The following SORCS3 variants were observed in gnomAD, a reference collection of about 807,000 sequenced individuals.
SORCS3 encodes sortilin related VPS10 domain containing receptor 3.
A neutral mutation model predicts 146.3 loss-of-function variants in SORCS3; 57 were observed. That is an observed-to-expected ratio of 0.39 (90% confidence interval 0.31 to 0.49). The LOEUF (loss-of-function observed/expected upper bound fraction) is 0.49, where lower values mean the gene tolerates loss of function less well. Among genes scored for constraint, SORCS3 ranks in the 20% least tolerant of loss-of-function variants. The probability of loss-of-function intolerance (pLI) is 0.92; values close to 1 mark genes in which losing one functional copy is unlikely to be tolerated. For synonymous variants in SORCS3, 653 were observed against 618.5 expected (o/e 1.06, Z -0.83); for missense variants, 1,341 against 1,575.5 (o/e 0.85, Z 2.52).
intron 4 of SORCS3, among the ~76,000 whole-genome samples, chr10:104,979,393 A>T (rs568655217): frequency 1.4e-4 from 21 of 152,316 alleles, no homozygotes; most frequent in African/African-American, 4.1e-4. Context: ...ACTATTATGT[A>T]ATAATGTTGT....
intron 1 of SORCS3, among the ~76,000 whole-genome samples, chr10:104,842,526 G>A (rs1257780722): frequency 1.3e-5 from 2 of 152,156 alleles, no homozygotes; most frequent in African/African-American, 4.8e-5. Context: ...GCTGTCAATA[G>A]CCAATTAATT....
At chr10:104,864,066 ATGGG>A (rs1295903003) in intron 2 of SORCS3, among the ~76,000 whole-genome samples, 2 of 152,290 alleles carry the variant, frequency 1.3e-5, no homozygotes, top group East Asian at 3.9e-4. Context: ...TGTGCCAGGA[ATGGG>A]TATTTTTTAA....
At chr10:104,933,171 A>G (rs368057947) in intron 3 of SORCS3, among the ~76,000 whole-genome samples, 98 of 152,334 alleles carry the variant, frequency 6.4e-4, no homozygotes, top group African/African-American at 2.3e-3. Context: ...TAGGAAACAT[A>G]TGAGTTCATG....
intron 1 of SORCS3, among the ~76,000 whole-genome samples, chr10:104,688,824 G>C (rs777320572): frequency 3.5e-4 from 54 of 152,122 alleles, no homozygotes; most frequent in Admixed American, 6.5e-4. Flanking sequence ...CCAGGAACCT[G>C]CCCAACGTGG....
chr10:105,112,864 G>A (rs1383043649), intron 7 of SORCS3, among the ~76,000 whole-genome samples: 1 of 152,150 alleles, frequency 6.6e-6, no homozygotes, highest in African/African-American at 2.4e-5. Context: ...CATGACTATA[G>A]AGATTTGTCT....
intron 4 of SORCS3, among the ~76,000 whole-genome samples, chr10:105,016,155 A>ATATATATATTTT (rs71482443): frequency 9.9e-6 from 1 of 101,344 alleles, no homozygotes; most frequent in African/African-American, 4.8e-5. Context: ...ATATATATAT[A>ATATATATATTTT]TTTTTTTTTT....
At chr10:105,130,319 T>G (rs2056009670) in intron 7 of SORCS3, among the ~76,000 whole-genome samples, 1 of 152,110 alleles carries the variant, frequency 6.6e-6, no homozygotes, top group South Asian at 2.1e-4. Flanking sequence ...GTCCAGACCC[T>G]TTATTGTATT....
rs1458481350 is a variant in SORCS3, at chr10:105,167,362, C to T, written c.1901+13C>T. On this transcript the variant is annotated intron_variant, in intron 13 of 26. Transcript: ENST00000369701. The stretch of plus-strand genomic sequence containing the variant: ...TCAGGCATTTGTGGTAAGGAGAGCT[C>T]CCTACCCTATTAATGAGCTAATGAG... 3 of 1,606,122 alleles carry T rather than the reference C, an allele frequency of 1.9e-6. No homozygotes were observed. The Admixed American group carries it at 5.0e-5, about 27-fold the overall frequency.
At chr10:105,025,804 A>T (rs2055224520) in intron 4 of SORCS3, among the ~76,000 whole-genome samples, 1 of 149,408 alleles carries the variant, frequency 6.7e-6, no homozygotes, top group Admixed American at 6.7e-5. Flanking sequence ...TGAATATCCG[A>T]TGCCTGTACT....
intron 6 of SORCS3, among the ~76,000 whole-genome samples, chr10:105,092,884 T>C (rs188900665): frequency 4.6e-5 from 7 of 152,296 alleles, no homozygotes; most frequent in African/African-American, 1.7e-4. Context: ...GATGAGATAC[T>C]GAATGCTTTC....
chr10:104,725,679 G>A (rs913931477), intron 1 of SORCS3, among the ~76,000 whole-genome samples: 1 of 152,224 alleles, frequency 6.6e-6, no homozygotes, highest in African/African-American at 2.4e-5. Flanking sequence ...GCAATGGCGG[G>A]TGACCCTCCC....
intron 13 of SORCS3, among the ~76,000 whole-genome samples, chr10:105,174,308 C>T (rs2056382360): frequency 6.6e-6 from 1 of 152,098 alleles, no homozygotes; most frequent in Non-Finnish European, 1.5e-5. Flanking sequence ...ATTCACAGTT[C>T]CTTTGTCTTG....
intron 20 of SORCS3, among the ~76,000 whole-genome samples, chr10:105,227,719 G>T (rs1310549304): frequency 6.6e-6 from 1 of 152,014 alleles, no homozygotes; most frequent in Non-Finnish European, 1.5e-5. Context: ...ATATCTGGGT[G>T]CTGGGGTATT....
intron 1 of SORCS3, among the ~76,000 whole-genome samples, chr10:104,769,788 ACTTTCC>A (rs1040637330): frequency 5.3e-5 from 8 of 152,028 alleles, no homozygotes; most frequent in African/African-American, 1.9e-4. Flanking sequence ...CTTGAATAGG[ACTTTCC>A]CTGTATGTGT....
At chr10:104,872,468 A>C (rs1016509382) in intron 2 of SORCS3, among the ~76,000 whole-genome samples, 23 of 152,144 alleles carry the variant, frequency 1.5e-4, no homozygotes, top group Admixed American at 1.3e-3. Flanking sequence ...CCGGTCTGCA[A>C]CAATTTACAG....
intron 1 of SORCS3, among the ~76,000 whole-genome samples, chr10:104,702,934 C>T (rs1254614531): frequency 2.6e-5 from 4 of 152,152 alleles, no homozygotes; most frequent in African/African-American, 9.7e-5. Context: ...TACTTCCTGC[C>T]CTGGCTTTTG....
intron 9 of SORCS3, among the ~76,000 whole-genome samples, chr10:105,152,069 T>C (rs1300726975): frequency 6.6e-6 from 1 of 152,158 alleles, no homozygotes; most frequent in Non-Finnish European, 1.5e-5. Flanking sequence ...TTTTAATTAC[T>C]CTCCCTAATA....
chr10:105,263,774 C>G lies in SORCS3; in HGVS notation c.*400C>G, dbSNP rs1219788448. On this transcript the variant is annotated 3_prime_UTR_variant, in exon 27 of 27. Coordinates refer to ENST00000369701, the MANE Select transcript of SORCS3 (RefSeq NM_014978.3). ...TCCCCCAGCACACACACATACAACA[C>G]AGATCATTTCCCAGTTAGATCCGCA... 1 of 171,494 alleles carries G rather than the reference C, an allele frequency of 5.8e-6. No individual in the cohort carries two copies. The highest frequency in any genetic ancestry group is 2.4e-5 in the African/African-American group (1 of 41,934). 10.6% of individuals were successfully genotyped at this position (171,494 alleles called of 1,614,324 possible).
chr10:104,696,479 G>GAATATATAATATATAATATATAT (rs2016201094), intron 1 of SORCS3, among the ~76,000 whole-genome samples: 1 of 6,952 alleles, frequency 1.4e-4, no homozygotes, highest in African/African-American at 2.7e-4. Flanking sequence ...ATAGAATATA[G>GAATATATAATATATAATATATAT]AATATATAAT....
Sources: allele counts gnomAD v4.1 joint callset (sites outside exome capture counted in the v4.1 genomes callset), GRCh38; gene constraint gnomAD v4.1.1; transcripts MANE v1.5; gene names NCBI Gene and HGNC (gene_info 2026-07-23, HGNC 2026-07-21).